JADE3: variants seen among roughly 807,000 people sequenced by gnomAD.
JADE3 encodes the protein jade family PHD finger 3, also known as protein Jade-3.
Under a neutral mutation model 50.1 loss-of-function variants are expected in JADE3, and 2 were observed. The ratio of observed to expected loss-of-function variants is 0.04; its 90% CI spans 0.02 to 0.13. JADE3 has a LOEUF of 0.13. Among genes scored for constraint, JADE3 ranks in the 10% least tolerant of loss-of-function variants. The pLI, the probability that JADE3 is intolerant of heterozygous loss-of-function variation, is 1.00. For missense variants in JADE3, 475 were observed against 634.4 expected (o/e 0.75, Z 2.70); for synonymous variants, 218 against 232.9 (o/e 0.94, Z 0.58).
chrX:46,924,793 T>C (rs370533604), intron 1 of JADE3, among the ~76,000 whole-genome samples: 7 of 112,429 alleles, frequency 6.2e-5, no homozygotes, highest in African/African-American at 2.3e-4. Context: ...CTTTGTAGTT[T>C]TTGAATATGT....
At chrX:47,016,687 C>CT (rs201278423) in intron 4 of JADE3, among the ~76,000 whole-genome samples, 6,073 of 98,244 alleles carry the variant, frequency 0.062, 456 homozygotes, top group African/African-American at 0.2. Flanking sequence ...TAATGTTTGT[C>CT]TTTTTTTTTT....
At chrX:46,917,824 T>A (rs5906292) in intron 1 of JADE3, among the ~76,000 whole-genome samples, 2 of 56,972 alleles carry the variant, frequency 3.5e-5, no homozygotes, top group African/African-American at 6.1e-5. Context: ...TCTCTCTCAC[T>A]CTCTCTCATC....
At chrX:46,989,553 A>C (rs1377446940) in intron 3 of JADE3, among the ~76,000 whole-genome samples, 3 of 111,568 alleles carry the variant, frequency 2.7e-5, no homozygotes, top group African/African-American at 9.8e-5. Flanking sequence ...ATGGTCTCTG[A>C]TGAGAAATCT....
At chrX:47,057,772 A>G (rs1929657957) in intron 10 of JADE3, among the ~76,000 whole-genome samples, 1 of 112,047 alleles carries the variant, frequency 8.9e-6, no homozygotes, top group African/African-American at 3.2e-5. Flanking sequence ...TTTAAGACAC[A>G]TACTAAGTGC....
intron 3 of JADE3, among the ~76,000 whole-genome samples, chrX:46,994,314 G>C (rs782038374): frequency 8.9e-6 from 1 of 112,151 alleles, no homozygotes; most frequent in South Asian, 3.7e-4. Context: ...TGTGCACACA[G>C]TGTTGGGCTT....
chrX:47,002,368 C>T (rs1214071611), intron 4 of JADE3, among the ~76,000 whole-genome samples: 2 of 111,305 alleles, frequency 1.8e-5, no homozygotes, highest in East Asian at 5.6e-4. Context: ...GGCTATTCCA[C>T]TTTCTTTGTC....
intron 7 of JADE3, among the ~76,000 whole-genome samples, chrX:47,036,920 G>A (rs1929144131): frequency 1.2e-5 from 1 of 83,385 alleles, no homozygotes; most frequent in Non-Finnish European, 2.3e-5. Context: ...GAGATCACAT[G>A]GACACAGGAA....
chrX:47,056,881 A>G, intron 10 of JADE3, among the ~76,000 whole-genome samples: 1 of 112,137 alleles, frequency 8.9e-6, no homozygotes, highest in African/African-American at 3.2e-5. Flanking sequence ...GAGCCTGGGC[A>G]ACTAGGGGTC....
intron 6 of JADE3, 89 bp downstream of exon 6, chrX:47,028,192 T>C: frequency 3.3e-6 from 2 of 614,331 alleles, no homozygotes; most frequent in Non-Finnish European, 5.2e-6. Flanking sequence ...GGGTAGCAGC[T>C]TGCATTTAAG....
At chrX:46,990,211 G>A (rs193291146) in intron 3 of JADE3, among the ~76,000 whole-genome samples, 4 of 111,155 alleles carry the variant, frequency 3.6e-5, no homozygotes, top group South Asian at 3.8e-4. Flanking sequence ...GTCTCTTCTC[G>A]TTCCCAGTTC....
At chrX:47,029,212 A>T (rs1367658957) in intron 6 of JADE3, among the ~76,000 whole-genome samples, 2 of 111,993 alleles carry the variant, frequency 1.8e-5, no homozygotes, top group Non-Finnish European at 3.8e-5. Context: ...GTGGAAATGC[A>T]TCTGTGAGAA....
At chrX:46,970,000 A>C in intron 1 of JADE3, among the ~76,000 whole-genome samples, 1 of 112,338 alleles carries the variant, frequency 8.9e-6, no homozygotes, top group Non-Finnish European at 1.9e-5. Flanking sequence ...GGAAGGAAAT[A>C]ATAAAAGAAC....
intron 1 of JADE3, among the ~76,000 whole-genome samples, chrX:46,944,364 G>A (rs1926835354): frequency 9.4e-6 from 1 of 106,050 alleles, no homozygotes; most frequent in Non-Finnish European, 1.9e-5. Context: ...GGAGTGCAAT[G>A]GTGTGATCTT....
intron 4 of JADE3, among the ~76,000 whole-genome samples, chrX:47,023,067 G>GT (rs1319576851): frequency 2.7e-5 from 3 of 111,350 alleles, no homozygotes; most frequent in Non-Finnish European, 5.7e-5. Context: ...AACACTTTCT[G>GT]TTTTTTTCTA....
chrX:46,979,989 C>T (rs1029671235), intron 1 of JADE3, among the ~76,000 whole-genome samples: 7 of 103,831 alleles, frequency 6.7e-5, no homozygotes, highest in Admixed American at 2.2e-4. Context: ...AAGCAATTCT[C>T]ATGCCTCAGC....
rs147326821 is a variant in JADE3, at chrX:47,027,497, A to G, written c.476-395A>G. The stretch of plus-strand genomic sequence containing the variant: ...TAAGAATGAATTATTATATCCAAAT[A>G]GTTATGTGATTTTAATTACTATGCT... On this transcript the variant is annotated intron_variant, in intron 5 of 10. Transcript: ENST00000614628. Among the ~76,000 whole-genome samples, 590 of 111,986 alleles carry G rather than the reference A, an allele frequency of 5.3e-3. 3 individuals carry two copies. Among genetic ancestry groups the G allele is most frequent in the African/African-American group, 0.017 (518 of 30,899 alleles).
intron 1 of JADE3, among the ~76,000 whole-genome samples, chrX:46,952,509 A>C (rs782361360): frequency 1.8e-5 from 2 of 112,292 alleles, no homozygotes; most frequent in Admixed American, 9.4e-5. Flanking sequence ...GAGGAAGTGG[A>C]GGCCTTCCCA....
rs926557765 is a variant in JADE3, at chrX:47,035,240, A to G, written c.855+1452A>G. On this transcript the variant is annotated intron_variant, in intron 7 of 10. Coordinates refer to ENST00000614628, the MANE Select transcript of JADE3 (RefSeq NM_014735.5). Reference sequence around the variant, plus strand: ...ATCTAGTTAATGGGGAGCTGACATTATATCAGTAACTCATTCTCCTTTAAG... The same window carrying G: ...ATCTAGTTAATGGGGAGCTGACATTGTATCAGTAACTCATTCTCCTTTAAG... Among the ~76,000 whole-genome samples the G allele has an allele frequency of 5.4e-5, 6 of 111,485 alleles. No homozygotes were observed. The East Asian group carries it at 1.4e-3, about 26-fold the overall frequency.
intron 4 of JADE3, among the ~76,000 whole-genome samples, chrX:47,005,941 C>T (rs925992520): frequency 1.8e-5 from 2 of 111,373 alleles, no homozygotes; most frequent in East Asian, 5.6e-4. Flanking sequence ...CAGATAGTGT[C>T]ATAGGAAGCC....
Sources: gnomAD v4.1 joint callset for allele counts (sites outside exome capture counted in the v4.1 genomes callset) on GRCh38, gnomAD v4.1.1 for gene constraint, MANE v1.5 for transcripts, NCBI Gene and HGNC (gene_info 2026-07-23, HGNC 2026-07-21) for gene names.